Variants in PPP2R2C observed in about 807,000 individuals in gnomAD.
PPP2R2C encodes the protein protein phosphatase 2, regulatory subunit B, gamma.
A neutral mutation model predicts 45.3 loss-of-function variants in PPP2R2C; 10 were observed. The ratio of observed to expected loss-of-function variants is 0.22; its 90% CI spans 0.14 to 0.37. The LOEUF is 0.37. PPP2R2C is among the 10% of genes least tolerant of loss of function. The pLI is 1.00. For missense variants in PPP2R2C, 308 were observed against 619.7 expected (o/e 0.50, Z 5.34); for synonymous variants, 257 against 245.4 (o/e 1.05, Z -0.44).
chr4:6,442,228 T>A (rs767572910), intron 1 of PPP2R2C, among the ~76,000 whole-genome samples: 5 of 152,226 alleles, frequency 3.3e-5, no homozygotes, highest in Non-Finnish European at 7.3e-5. Flanking sequence ...GTGGCTGGCC[T>A]GCAGCTCCCC....
intron 5 of PPP2R2C, chr4:6,350,432 G>A: frequency 1.0e-6 from 1 of 985,458 alleles, no homozygotes; most frequent in Non-Finnish European, 1.2e-6. Flanking sequence ...AGGGCAGAGA[G>A]GGGCTACATT....
chr4:6,325,342 C>T (rs112510831), intron 8 of PPP2R2C, among the ~76,000 whole-genome samples: 2,626 of 152,198 alleles, frequency 0.017, 28 homozygotes, highest in Middle Eastern at 0.031. Flanking sequence ...AAGCCGCACC[C>T]GCTTTATATG....
At chr4:6,349,167 C>T (rs1712296981) in intron 5 of PPP2R2C, 1 of 985,254 alleles carries the variant, frequency 1.0e-6, no homozygotes, top group Admixed American at 6.2e-5. Flanking sequence ...AGGCCCTCTC[C>T]CCTCTCACAG....
chr4:6,477,173 T>C (rs1180094336), upstream of PPP2R2C, among the ~76,000 whole-genome samples: 2 of 152,096 alleles, frequency 1.3e-5, no homozygotes, highest in Admixed American at 6.5e-5. Context: ...ACTTGAGCCT[T>C]GGAGACAGGG....
At chr4:6,521,340 G>A (rs188258390) in intron 2 of PPP2R2C, among the ~76,000 whole-genome samples, 26 of 152,306 alleles carry the variant, frequency 1.7e-4, no homozygotes, top group Admixed American at 7.2e-4. Context: ...AATTAGACAC[G>A]CACTCTTTAC....
intron 5 of PPP2R2C, among the ~76,000 whole-genome samples, chr4:6,369,147 G>C (rs1714590329): frequency 6.6e-6 from 1 of 152,222 alleles, no homozygotes; most frequent in Non-Finnish European, 1.5e-5. Context: ...GTAGCCACTG[G>C]CCACATGTGG....
intron 1 of PPP2R2C, among the ~76,000 whole-genome samples, chr4:6,400,837 G>A (rs1412093559): frequency 6.6e-6 from 1 of 152,212 alleles, no homozygotes; most frequent in African/African-American, 2.4e-5. Context: ...GCCGTTGCTA[G>A]CTTGCTGGCT....
chr4:6,454,729 G>A (rs541671462), intron 1 of PPP2R2C, among the ~76,000 whole-genome samples: 2 of 152,310 alleles, frequency 1.3e-5, no homozygotes, highest in Admixed American at 1.3e-4. Flanking sequence ...AATGGTACCT[G>A]TGGCACTCAC....
chr4:6,563,320 G>A lies in PPP2R2C; in HGVS notation c.-59+240C>T, dbSNP rs1397088929. 6.6e-6 allele frequency among the ~76,000 whole-genome samples: 1 copy of A among 152,290 alleles called. No homozygotes were observed. The highest frequency in any genetic ancestry group is 6.5e-5 in the Admixed American group (1 of 15,308). ...AGAGCACGCGCTCCGGAGGGACCCC[G>A]GCACTTCGGACCCTAGCAGAGCCAG... On this transcript the variant is annotated intron_variant, in intron 1 of 9. Coordinates refer to the PPP2R2C transcript ENST00000506140. The surrounding 1 kb of genome is among the most constrained non-coding windows in gnomAD (Gnocchi z 5.8).
At chr4:6,491,969 C>T (rs1722713312) in intron 2 of PPP2R2C, among the ~76,000 whole-genome samples, 1 of 152,178 alleles carries the variant, frequency 6.6e-6, no homozygotes, top group African/African-American at 2.4e-5. Flanking sequence ...TACAGCCGGG[C>T]TCCATCCACT....
intron 6 of PPP2R2C, 82 bp from the exon 7 acceptor site, chr4:6,333,813 C>T (rs1732618631): frequency 6.9e-7 from 1 of 1,452,962 alleles, no homozygotes; most frequent in Non-Finnish European, 9.6e-7. Context: ...TGTTTTGCAC[C>T]TGGGCCCATG....
intron 1 of PPP2R2C, among the ~76,000 whole-genome samples, chr4:6,450,154 C>G (rs947819898): frequency 6.6e-6 from 1 of 152,202 alleles, no homozygotes; most frequent in Non-Finnish European, 1.5e-5. Context: ...TTCCAGCATC[C>G]CTGCCGGCTG....
intron 1 of PPP2R2C, chr4:6,384,467 C>G (rs1401493227): frequency 1.0e-6 from 1 of 982,974 alleles, no homozygotes; most frequent in African/African-American, 1.7e-5. Flanking sequence ...TCTAGATTTT[C>G]TATAATGAAG....
At chr4:6,534,835 C>T (rs528332572) in intron 2 of PPP2R2C, among the ~76,000 whole-genome samples, 2 of 152,344 alleles carry the variant, frequency 1.3e-5, no homozygotes, top group South Asian at 2.1e-4. Context: ...CTGTCTGGGT[C>T]GGCCGCTCAG....
intron 1 of PPP2R2C, among the ~76,000 whole-genome samples, chr4:6,430,684 G>T (rs182861993): frequency 2.0e-5 from 3 of 152,264 alleles, no homozygotes; most frequent in South Asian, 2.1e-4. Flanking sequence ...TAGCACTTTG[G>T]GGGGCCAAGG....
chr4:6,526,982 C>T (rs1265197417), intron 2 of PPP2R2C, among the ~76,000 whole-genome samples: 31 of 152,204 alleles, frequency 2.0e-4, no homozygotes, highest in Admixed American at 2.0e-3. Context: ...CACTAGCCTA[C>T]TCCAGGATCC....
At chr4:6,540,141 G>C (rs1318824635) in intron 1 of PPP2R2C, among the ~76,000 whole-genome samples, 1 of 152,200 alleles carries the variant, frequency 6.6e-6, no homozygotes, top group African/African-American at 2.4e-5. Context: ...TATTCACAGA[G>C]CTGTGCAGCC....
At chr4:6,531,402 C>T (rs1724393724) in intron 2 of PPP2R2C, among the ~76,000 whole-genome samples, 1 of 152,166 alleles carries the variant, frequency 6.6e-6, no homozygotes, top group Admixed American at 6.5e-5. Context: ...GGAAGACCAC[C>T]AAGTGTGCCC....
At chr4:6,511,535 T>A (rs1312806432) in intron 2 of PPP2R2C, among the ~76,000 whole-genome samples, 1 of 43,830 alleles carries the variant, frequency 2.3e-5, no homozygotes, top group African/African-American at 7.0e-5. Flanking sequence ...ATGGTGGTGG[T>A]GGTGGTGGTG....
Sources: allele counts gnomAD v4.1 joint callset (sites outside exome capture counted in the v4.1 genomes callset), GRCh38; gene constraint gnomAD v4.1.1; non-coding constraint Gnocchi (gnomAD v3.1); transcripts MANE v1.5; gene names NCBI Gene and HGNC (gene_info 2026-07-23, HGNC 2026-07-21).